Variants in SLIT2 observed in about 807,000 individuals in gnomAD.
SLIT2 encodes slit guidance ligand 2.
In SLIT2, 41 loss-of-function variants were observed where a neutral mutation model predicts 185.7. That is an observed-to-expected ratio of 0.22 (90% CI 0.17 to 0.29). SLIT2 has a LOEUF of 0.29. SLIT2 is among the 10% of genes least tolerant of loss of function. The probability of loss-of-function intolerance (pLI) is 1.00; values close to 1 mark genes in which losing one functional copy is unlikely to be tolerated. For missense variants in SLIT2, 1,571 were observed against 1,909.0 expected, an observed-to-expected ratio of 0.82 and a Z score of 3.30; for synonymous variants, 693 against 680.2, an observed-to-expected ratio of 1.02 and a Z score of -0.29.
intron 29 of SLIT2, among the ~76,000 whole-genome samples, chr4:20,570,712 AATATATATATATATATATGT>A (rs1322474747): frequency 4.5e-4 from 51 of 112,314 alleles, no homozygotes; most frequent in Non-Finnish European, 7.3e-4. Context: ...CAGAACCAGG[AATATATATATATATATATGT>A]ATATATATAT....
intron 4 of SLIT2, among the ~76,000 whole-genome samples, chr4:20,438,451 T>C (rs1729511244): frequency 6.6e-6 from 1 of 152,094 alleles, no homozygotes; most frequent in African/African-American, 2.4e-5. Context: ...TCAGATCTCG[T>C]GAGACCCATT....
At chr4:20,361,134 C>G (rs1437005219) in intron 4 of SLIT2, among the ~76,000 whole-genome samples, 2 of 151,852 alleles carry the variant, frequency 1.3e-5, no homozygotes, top group Non-Finnish European at 2.9e-5. Context: ...TCTTTTTTAA[C>G]TATTATTAAG....
intron 4 of SLIT2, among the ~76,000 whole-genome samples, chr4:20,377,748 A>T (rs949781618): frequency 6.6e-6 from 1 of 152,150 alleles, no homozygotes; most frequent in Non-Finnish European, 1.5e-5. Context: ...CCCAACTCTC[A>T]GTTTATTTCA....
Position 20,511,587 on chromosome 4 carries a change from A to ATTT in SLIT2, c.1058+464_1058+466dup, listed in dbSNP as rs759622666. On this transcript the variant is annotated intron_variant, in intron 11 of 36. Coordinates refer to ENST00000504154, the MANE Select transcript of SLIT2 (RefSeq NM_004787.4). ...AGGCGCCTGCCACCACATCCAGCTA[A>ATTT]TTTTTTTTTTTTTTTTATTTTTGGT... Among the ~76,000 whole-genome samples, 77 of 82,214 alleles carry ATTT rather than the reference A, an allele frequency of 9.4e-4. 2 individuals carry two copies. Among genetic ancestry groups the ATTT allele is most frequent in the African/African-American group, 3.6e-3 (72 of 20,006 alleles). 53.9% of individuals were successfully genotyped at this position (82,214 alleles called of 152,430 possible).
chr4:20,531,488 G>A (rs1377818139), intron 16 of SLIT2, among the ~76,000 whole-genome samples: 1 of 152,188 alleles, frequency 6.6e-6, no homozygotes, highest in African/African-American at 2.4e-5. Context: ...GGAGTGACTG[G>A]TAGTAAGTAT....
chr4:20,396,554 C>T (rs1725909549), intron 4 of SLIT2, among the ~76,000 whole-genome samples: 1 of 151,674 alleles, frequency 6.6e-6, no homozygotes, highest in African/African-American at 2.4e-5. Context: ...AAAATAAGTA[C>T]AGATAAGTGA....
At chr4:20,255,602 T>C (rs886413467) in intron 1 of SLIT2, among the ~76,000 whole-genome samples, 7 of 151,832 alleles carry the variant, frequency 4.6e-5, no homozygotes, top group African/African-American at 1.7e-4. Context: ...TGTCATTTCA[T>C]GCTATTCAGA....
intron 9 of SLIT2, among the ~76,000 whole-genome samples, chr4:20,498,853 A>G (rs1244079678): frequency 1.3e-5 from 2 of 152,202 alleles, no homozygotes; most frequent in African/African-American, 4.8e-5. Context: ...TGGCTTTGCT[A>G]TTGTGAATAC....
intron 3 of SLIT2, among the ~76,000 whole-genome samples, chr4:20,259,120 ATAAAT>A (rs1712172547): frequency 6.6e-6 from 1 of 151,724 alleles, no homozygotes; most frequent in African/African-American, 2.4e-5. Context: ...GGAATTCAAA[ATAAAT>A]TTAAAATCAC....
intron 4 of SLIT2, among the ~76,000 whole-genome samples, chr4:20,424,831 G>A (rs1302036458): frequency 6.6e-5 from 10 of 151,986 alleles, no homozygotes; most frequent in Admixed American, 6.6e-4. Context: ...GGATATTTCT[G>A]TATTTATCAA....
At chr4:20,339,213 C>T (rs1720765420) in intron 4 of SLIT2, among the ~76,000 whole-genome samples, 1 of 151,244 alleles carries the variant, frequency 6.6e-6, no homozygotes, top group African/African-American at 2.4e-5. Flanking sequence ...TAATAACCAA[C>T]TCTTTAACAT....
intron 4 of SLIT2, among the ~76,000 whole-genome samples, chr4:20,330,923 C>T (rs1720010622): frequency 6.6e-6 from 1 of 152,054 alleles, no homozygotes; most frequent in South Asian, 2.1e-4. Flanking sequence ...GGTTCCCATG[C>T]TTATGTTAAA....
chr4:20,483,686 A>G (rs1577753526), intron 6 of SLIT2, among the ~76,000 whole-genome samples: 1 of 152,224 alleles, frequency 6.6e-6, no homozygotes, highest in East Asian at 1.9e-4. Context: ...CAAGTGTGAG[A>G]GGTGCTCCAT....
intron 4 of SLIT2, among the ~76,000 whole-genome samples, chr4:20,398,385 G>A (rs1238280835): frequency 1.3e-5 from 2 of 151,806 alleles, no homozygotes; most frequent in African/African-American, 2.4e-5. Context: ...AAGCTGGTTC[G>A]AGAGTCCTGA....
intron 29 of SLIT2, among the ~76,000 whole-genome samples, chr4:20,576,618 G>C (rs928205477): frequency 6.6e-6 from 1 of 152,144 alleles, no homozygotes; most frequent in Non-Finnish European, 1.5e-5. Context: ...TAAGGGAAAC[G>C]TTAAGTTGCC....
intron 4 of SLIT2, among the ~76,000 whole-genome samples, chr4:20,282,916 C>T (rs906639946): frequency 2.6e-5 from 4 of 152,132 alleles, no homozygotes; most frequent in African/African-American, 9.7e-5. Context: ...CCAGCGTTGT[C>T]ACGTGTAAGA....
intron 29 of SLIT2, among the ~76,000 whole-genome samples, chr4:20,576,543 TTCGAGATGTGTAAGGTCTTTATA>T (rs1440870722): frequency 6.6e-6 from 1 of 152,182 alleles, no homozygotes; most frequent in Non-Finnish European, 1.5e-5. Context: ...TTAATTCTGC[TTCGAGATGTGTAAGGTCTTTATA>T]TCAAGGTCGT....
chr4:20,339,373 A>G (rs1327656181), intron 4 of SLIT2, among the ~76,000 whole-genome samples: 1 of 152,180 alleles, frequency 6.6e-6, no homozygotes, highest in Non-Finnish European at 1.5e-5. Context: ...GTACACAGTA[A>G]TTGAACACAC....
At chr4:20,456,994 G>A (rs190282282) in intron 4 of SLIT2, among the ~76,000 whole-genome samples, 88 of 152,052 alleles carry the variant, frequency 5.8e-4, no homozygotes, top group African/African-American at 1.9e-3. Flanking sequence ...GAACCAAAGA[G>A]CAAGTCATCA....
Sources: gnomAD v4.1 joint callset for allele counts (sites outside exome capture counted in the v4.1 genomes callset) on GRCh38, gnomAD v4.1.1 for gene constraint, MANE v1.5 for transcripts, NCBI Gene and HGNC (gene_info 2026-07-23, HGNC 2026-07-21) for gene names.